The following PPP3CB variants were observed in gnomAD, a reference collection of about 807,000 sequenced individuals.
PPP3CB encodes serine/threonine-protein phosphatase 2B catalytic subunit beta isoform.
In PPP3CB, 8 loss-of-function variants were observed where a neutral mutation model predicts 66.4. The ratio of observed to expected loss-of-function variants is 0.12; its 90% confidence interval spans 0.07 to 0.22. PPP3CB has a LOEUF of 0.22. Among genes scored for constraint, PPP3CB ranks in the 10% least tolerant of loss-of-function variants. The pLI is 1.00. For missense variants in PPP3CB, 319 were observed against 642.5 expected (o/e 0.50, Z 5.44); for synonymous variants, 208 against 221.2 (o/e 0.94, Z 0.53).
intron 9 of PPP3CB, among the ~76,000 whole-genome samples, chr10:73,457,201 G>A (rs965483107): frequency 1.5e-5 from 2 of 133,196 alleles, no homozygotes; most frequent in African/African-American, 2.8e-5. Flanking sequence ...AGGATCACTT[G>A]AGCCTAGTAA....
At chr10:73,466,600 C>T (rs556374104) in intron 9 of PPP3CB, among the ~76,000 whole-genome samples, 1 of 152,148 alleles carries the variant, frequency 6.6e-6, no homozygotes, top group South Asian at 2.1e-4. Flanking sequence ...ATTCTATCTC[C>T]GTATTAACAT....
chr10:73,493,244 C>A (rs539353361), intron 1 of PPP3CB, among the ~76,000 whole-genome samples: 51 of 149,352 alleles, frequency 3.4e-4, no homozygotes, highest in African/African-American at 9.7e-4. Flanking sequence ...CCACTGCACT[C>A]CACTTGGGCA....
chr10:73,495,116 T>A (rs995486731), intron 1 of PPP3CB, among the ~76,000 whole-genome samples: 1 of 152,160 alleles, frequency 6.6e-6, no homozygotes, highest in African/African-American at 2.4e-5. Context: ...TTGACCAAAG[T>A]GTTGATGGTT....
chr10:73,484,057 G>A (rs972593405), intron 1 of PPP3CB, among the ~76,000 whole-genome samples: 2 of 151,834 alleles, frequency 1.3e-5, no homozygotes, highest in African/African-American at 4.8e-5. Context: ...CACAAGAATC[G>A]CTTGAACCTG....
At chr10:73,470,662 A>AT (rs757905519) in intron 8 of PPP3CB, 25 bp downstream of exon 8, 36 of 1,409,554 alleles carry the variant, frequency 2.6e-5, no homozygotes, top group South Asian at 1.1e-4. Context: ...TTGTTTAACA[A>AT]TTTTTTTTAT....
intron 11 of PPP3CB, among the ~76,000 whole-genome samples, chr10:73,445,680 G>A (rs529934175): frequency 5.1e-4 from 77 of 151,478 alleles, no homozygotes; most frequent in African/African-American, 1.8e-3. Flanking sequence ...AACTCCGCCC[G>A]CTTTGGCCTC....
At chr10:73,486,156 G>C (rs928609030) in intron 1 of PPP3CB, among the ~76,000 whole-genome samples, 1 of 151,620 alleles carries the variant, frequency 6.6e-6, no homozygotes. Context: ...ATGTTGGCCA[G>C]GCTGGACTCG....
intron 1 of PPP3CB, 163 bp downstream of exon 1, chr10:73,495,642 C>G: frequency 9.2e-7 from 1 of 1,083,622 alleles, no homozygotes; most frequent in Non-Finnish European, 1.2e-6. Flanking sequence ...GCCACCGACT[C>G]AGCCCTGCCC....
intron 1 of PPP3CB, among the ~76,000 whole-genome samples, chr10:73,495,331 G>A (rs1460439194): frequency 6.6e-6 from 1 of 152,174 alleles, no homozygotes; most frequent in Non-Finnish European, 1.5e-5. Flanking sequence ...AGCTAGACGC[G>A]GATAGGGCGG....
At chr10:73,463,249 A>C (rs1376716239) in intron 9 of PPP3CB, among the ~76,000 whole-genome samples, 1 of 152,126 alleles carries the variant, frequency 6.6e-6, no homozygotes, top group Non-Finnish European at 1.5e-5. Context: ...TTATGTCTCT[A>C]CCTGACTTCT....
At chr10:73,491,507 G>GA (rs1408748552) in intron 1 of PPP3CB, among the ~76,000 whole-genome samples, 1 of 152,100 alleles carries the variant, frequency 6.6e-6, no homozygotes, top group Admixed American at 6.6e-5. Context: ...AATGAGAGTG[G>GA]AAAGTAAAAG....
chr10:73,477,586 A>G (rs952800193), intron 3 of PPP3CB, among the ~76,000 whole-genome samples: 2 of 152,208 alleles, frequency 1.3e-5, no homozygotes, highest in Non-Finnish European at 2.9e-5. Flanking sequence ...ATTGGAAAAT[A>G]CATATTGTTC....
chr10:73,489,192 C>T (rs1452794666), intron 1 of PPP3CB, among the ~76,000 whole-genome samples: 2 of 152,126 alleles, frequency 1.3e-5, no homozygotes, highest in Admixed American at 1.3e-4. Context: ...TACTCAATCA[C>T]TCATCCAATA....
intron 10 of PPP3CB, among the ~76,000 whole-genome samples, chr10:73,447,731 G>A (rs1489246195): frequency 6.6e-6 from 1 of 151,998 alleles, no homozygotes; most frequent in Non-Finnish European, 1.5e-5. Flanking sequence ...TTGAAAGACA[G>A]AAACAAAAGA....
chr10:73,444,694 T>G (rs774182655), intron 12 of PPP3CB, 31 bp downstream of exon 12: 3 of 1,613,896 alleles, frequency 1.9e-6, no homozygotes, highest in Non-Finnish European at 1.7e-6. Context: ...CCAGTCCATC[T>G]GAGGCACAGC....
chr10:73,461,603 T>C (rs2054359257), intron 9 of PPP3CB, among the ~76,000 whole-genome samples: 2 of 152,196 alleles, frequency 1.3e-5, no homozygotes, highest in African/African-American at 4.8e-5. Context: ...AAATAATTTG[T>C]CTTTGATTTT....
At chr10:73,477,998 C>T (rs1202680355) in intron 3 of PPP3CB, among the ~76,000 whole-genome samples, 1 of 152,038 alleles carries the variant, frequency 6.6e-6, no homozygotes, top group African/African-American at 2.4e-5. Flanking sequence ...CATTTTAATG[C>T]CTCAAGTTTT....
intron 9 of PPP3CB, among the ~76,000 whole-genome samples, chr10:73,458,012 A>G (rs538683542): frequency 1.8e-4 from 28 of 152,344 alleles, no homozygotes; most frequent in African/African-American, 6.5e-4. Context: ...AAATTACTTA[A>G]TAAGTACAAT....
chr10:73,450,536 T>C (rs574024170), intron 10 of PPP3CB, among the ~76,000 whole-genome samples: 5 of 152,338 alleles, frequency 3.3e-5, no homozygotes, highest in African/African-American at 1.2e-4. Context: ...CAGACTCATA[T>C]TCCTAAAACT....
Sources: gnomAD v4.1 joint callset for allele counts (sites outside exome capture counted in the v4.1 genomes callset) on GRCh38, gnomAD v4.1.1 for gene constraint, MANE v1.5 for transcripts, NCBI Gene and HGNC (gene_info 2026-07-23, HGNC 2026-07-21) for gene names.